The following MMP9 variants were observed in gnomAD, a reference collection of about 807,000 sequenced individuals.
MMP9 encodes matrix metallopeptidase 9.
A neutral mutation model predicts 76.4 loss-of-function variants in MMP9; 73 were observed. The ratio of observed to expected loss-of-function variants is 0.96; its 90% confidence interval spans 0.79 to 1.16. The LOEUF (loss-of-function observed/expected upper bound fraction) is 1.16, where lower values mean the gene tolerates loss of function less well. Ranked by LOEUF, MMP9 falls within the 50% of genes most tolerant of loss-of-function variation. The pLI, the probability that MMP9 is intolerant of heterozygous loss-of-function variation, is 0.00. For missense variants in MMP9, 943 were observed against 973.0 expected (o/e 0.97, Z 0.41); for synonymous variants, 412 against 408.4 (o/e 1.01, Z -0.11).
chr20:46,009,186 TGAA>T, intron 1 of MMP9, 122 bp downstream of exon 1: 1 of 1,134,480 alleles, frequency 8.8e-7, no homozygotes, highest in South Asian at 1.3e-5. Flanking sequence ...TGGGCGTATC[TGAA>T]GAACAGAGGT....
At chr20:46,012,023 G>A (rs2084283302) in intron 6 of MMP9, 114 bp from the exon 7 acceptor site, 3 of 1,378,494 alleles carry the variant, frequency 2.2e-6, no homozygotes, top group Non-Finnish European at 3.0e-6. Context: ...CTTCTCAGGA[G>A]TGCTCTACAG....
rs201975453 is a variant in MMP9 at position 46,011,628 on chromosome 20, T to A, written c.878T>A (p.Ile293Asn). The change falls in exon 6 of 13, where the codon ATC becomes AAC. Residue 293 changes from isoleucine to asparagine, a missense_variant. By Grantham distance (149) the Ile-to-Asn change is moderately radical. Coordinates refer to ENST00000372330, the MANE Select transcript of MMP9 (RefSeq NM_004994.3). ...ADGKPCQFPF[I>N]FQGQSYSACT... Reference sequence around the variant, plus strand: ...GGGAAACCCTGCCAGTTTCCATTCATCTTCCAAGGCCAATCCTACTCCGCC... The same window carrying A: ...GGGAAACCCTGCCAGTTTCCATTCAACTTCCAAGGCCAATCCTACTCCGCC... The A allele has an allele frequency of 1.6e-4, 259 of 1,613,550 alleles. 1 individual carries two copies. Among genetic ancestry groups the A allele is most frequent in the Middle Eastern group, 1.2e-3 (7 of 6,082 alleles).
At position 46,011,179 on chromosome 20, in the gene MMP9, C is replaced by A. The variant is rs1366255883; in HGVS notation, c.686C>A (p.Ala229Asp). The part of the protein sequence containing the change: ...PTRFGNADGA[A>D]CHFPFIFEGR... ...CGGTTTGGAAACGCAGATGGCGCGG[C>A]CTGCCACTTCCCCTTCATCTTCGAG... The change falls in exon 5 of 13, where the codon GCC becomes GAC. Residue 229 changes from alanine to aspartate, a missense_variant. Physicochemically the swap from Ala to Asp is moderately radical, Grantham distance 126. Transcript: ENST00000372330. 1 of 1,614,168 alleles carries A rather than the reference C, an allele frequency of 6.2e-7. No individual in the cohort carries two copies. Among genetic ancestry groups the A allele is most frequent in the Non-Finnish European group, 8.5e-7 (1 of 1,180,046 alleles).
chr20:46,015,463 T>C (rs1443797256), intron 12 of MMP9, among the ~76,000 whole-genome samples: 2 of 149,084 alleles, frequency 1.3e-5, no homozygotes, highest in African/African-American at 4.9e-5. Flanking sequence ...CTTTTTTTTT[T>C]TTTTTGAGAT....
At chr20:46,014,084 C>T in intron 10 of MMP9, 40 bp from the exon 11 acceptor site, 1 of 1,533,814 alleles carries the variant, frequency 6.5e-7, no homozygotes, top group Non-Finnish European at 8.7e-7. Flanking sequence ...TACGTGCTCC[C>T]TCTGCGCCCC....
At position 46,010,363 on chromosome 20, in the gene MMP9, A is replaced by T. The variant is rs905568911; in HGVS notation, c.372-120A>T. 1.7e-4 allele frequency: 166 copies of T among 995,346 alleles called. No homozygotes were observed. The East Asian group carries it at 3.8e-3, about 23-fold the overall frequency. The allele number at this position is 995,346 out of a possible 1,614,324, so 61.7% of individuals were successfully genotyped here. A position where few individuals can be genotyped will look rare whatever the true frequency, so the allele number is the denominator to read the frequency against. On this transcript the variant is annotated intron_variant, in intron 2 of 12. Transcript: ENST00000372330. ...AAAACAGTCTGGAAGCAATTTATAG[A>T]TGAGAGCGTGGACGGCAGAGAGCAT...
intron 12 of MMP9, chr20:46,014,871 C>T: frequency 4.5e-6 from 1 of 221,644 alleles, no homozygotes; most frequent in Non-Finnish European, 9.1e-6. Context: ...TCAGTTTCCC[C>T]ATCTGTAATA....
rs41529445 is a variant in MMP9, at chr20:46,011,266, C to T, written c.773C>T (p.Thr258Ile). 2,481 of 1,611,326 alleles carry T rather than the reference C, an allele frequency of 1.5e-3. 2 individuals carry two copies. The highest frequency in any genetic ancestry group is 1.7e-3 in the Non-Finnish European group (2,015 of 1,179,476). Residue 258 changes from threonine (T) to isoleucine (I), a missense_variant, in exon 5 of 13, where the codon ACC becomes ATC. Transcript: ENST00000372330. ...GRSDGLPWCS[T>I]TANYDTDDRF... is the part of the protein sequence containing the mutation. ...TCCGACGGCTTGCCCTGGTGCAGTA[C>T]CACGGCCAACTACGACACCGACGAC...
chr20:46,011,963 C>T (rs2084282854), intron 6 of MMP9, among the ~76,000 whole-genome samples, 174 bp from the exon 7 acceptor site: 1 of 152,238 alleles, frequency 6.6e-6, no homozygotes, highest in East Asian at 1.9e-4. Flanking sequence ...GCCCAGCTGG[C>T]CGCCTCTTCC....
intron 3 of MMP9, 117 bp from the exon 4 acceptor site, chr20:46,010,805 G>A: frequency 6.3e-7 from 1 of 1,584,812 alleles, no homozygotes; most frequent in Non-Finnish European, 8.6e-7. Context: ...CAGGCTGGGA[G>A]AGCTTCGCGC....
chr20:46,009,857 C>T lies in MMP9; in HGVS notation c.139-9C>T. On this transcript the variant is annotated splice_polypyrimidine_tract_variant and intron_variant, in intron 1 of 12. Transcript: ENST00000372330. ...GAGATCTGGCATGTGTGTGTCCCTT[C>T]ATCCACAGGAATACCTGTACCGCTA... is the stretch of plus-strand genomic sequence containing the variant. 6.4e-7 allele frequency: 1 copy of T among 1,550,996 alleles called. No homozygotes were observed. Among genetic ancestry groups the T allele is most frequent in the Non-Finnish European group, 8.7e-7 (1 of 1,146,296 alleles).
Position 46,014,210 on chromosome 20 carries a change from G to A in MMP9, c.1837G>A (p.Val613Met), listed in dbSNP as rs1319203113. The A allele has an allele frequency of 6.5e-7, 1 of 1,538,410 alleles. No individual in the cohort carries two copies. Among genetic ancestry groups the A allele is most frequent in the Non-Finnish European group, 8.7e-7 (1 of 1,144,454 alleles). The change falls in exon 11 of 13, where the codon GTG becomes ATG. Residue 613 changes from valine (V) to methionine (M), a missense_variant. Val to Met is a conservative substitution (Grantham distance 21, BLOSUM62 1). Transcript: ENST00000372330. ...GGGCCTGGGAGCCGACGTGGCCCAG[G>A]TGACCGGGGCCCTCCGGAGTGGCAG... is the stretch of plus-strand genomic sequence containing the variant. ...KLGLGADVAQ[V>M]TGALRSGRGK...
rs1387492031 is a variant in MMP9, at chr20:46,009,132, T to C, written c.138+68T>C. 4 of 1,540,318 alleles carry C rather than the reference T, an allele frequency of 2.6e-6. No individual in the cohort carries two copies. In the East Asian group the frequency reaches 9.2e-5, roughly 35 times the overall value. ...AGGGTGTTGAGTGTCCCAGAGAGGA[T>C]GCAGGGCCTCAGAGGAGATGCTTTA... On this transcript the variant is annotated intron_variant, in intron 1 of 12. Coordinates refer to ENST00000372330, the MANE Select transcript of MMP9 (RefSeq NM_004994.3).
Position 46,010,572 on chromosome 20 carries a change from T to C in MMP9, c.461T>C (p.Leu154Pro). 1 of 1,614,140 alleles carries C rather than the reference T, an allele frequency of 6.2e-7. No individual in the cohort carries two copies. Among genetic ancestry groups the C allele is most frequent in the African/African-American group, 1.3e-5 (1 of 75,036 alleles). The change falls in exon 3 of 13, where the codon CTC becomes CCC. Residue 154 changes from leucine (L) to proline (P), a missense_variant. Leu to Pro is a moderately conservative substitution (Grantham distance 98). Transcript: ENST00000372330. ...AFALWSAVTP[L>P]TFTRVYSRDA... is the part of the protein sequence containing the mutation. ...GCACTGTGGAGCGCGGTGACGCCGC[T>C]CACCTTCACTCGCGTGTACAGCCGG...
intron 8 of MMP9, 76 bp downstream of exon 8, chr20:46,012,658 G>A: frequency 1.3e-6 from 2 of 1,554,658 alleles, no homozygotes; most frequent in Non-Finnish European, 1.8e-6. Context: ...TTGGGGGTTG[G>A]GGATCGGGGG....
At position 46,012,158 on chromosome 20, in the gene MMP9, G is replaced by A; in HGVS notation, c.1019G>A (p.Gly340Asp). The part of the protein sequence containing the change: ...PTRADSTVMG[G>D]NSAGELCVFP... ...CCAGCTGACTCGACGGTGATGGGGG[G>A]CAACTCGGCGGGGGAGCTGTGCGTC... The change falls in exon 7 of 13, where the codon GGC becomes GAC. Residue 340 changes from glycine (G) to aspartate (D), a missense_variant. Gly to Asp is a moderately conservative substitution (Grantham distance 94, BLOSUM62 -1). Coordinates refer to ENST00000372330, the MANE Select transcript of MMP9 (RefSeq NM_004994.3). 1 of 1,614,086 alleles carries A rather than the reference G, an allele frequency of 6.2e-7. No homozygotes were observed. The highest frequency in any genetic ancestry group is 1.1e-5 in the South Asian group (1 of 91,092).
intron 2 of MMP9, 24 bp from the exon 3 acceptor site, chr20:46,010,459 C>T (rs1321564791): frequency 6.2e-7 from 1 of 1,613,628 alleles, no homozygotes; most frequent in East Asian, 2.2e-5. Context: ...TTCTGACCTC[C>T]TTCCTCTGGC....
At chr20:46,011,789 T>C in intron 6 of MMP9, 42 bp downstream of exon 6, 1 of 1,581,124 alleles carries the variant, frequency 6.3e-7, no homozygotes, top group Non-Finnish European at 8.6e-7. Flanking sequence ...CGCCCTCTCA[T>C]CATGTATTGG....
At chr20:46,009,766 A>G (rs1189535746) in intron 1 of MMP9, 100 bp from the exon 2 acceptor site, 12 of 1,052,376 alleles carry the variant, frequency 1.1e-5, no homozygotes, top group Non-Finnish European at 1.7e-5. Flanking sequence ...AGAAAAAGAA[A>G]AAAGACTCCC....
Sources: allele counts gnomAD v4.1 joint callset (sites outside exome capture counted in the v4.1 genomes callset), GRCh38; gene constraint gnomAD v4.1.1; transcripts MANE v1.5; gene names NCBI Gene and HGNC (gene_info 2026-07-23, HGNC 2026-07-21).